Variants in C2orf42 observed in about 807,000 individuals in gnomAD.
The protein encoded by C2orf42 is uncharacterized protein C2orf42.
A neutral mutation model predicts 58.9 loss-of-function variants in C2orf42; 44 were observed. The observed-to-expected ratio is 0.75, with a 90% CI of 0.59 to 0.96. The LOEUF is 0.96. Among genes scored for constraint, C2orf42 ranks in the 40% least tolerant of loss-of-function variants. C2orf42 has a pLI of 0.00. For missense variants in C2orf42, 630 were observed against 699.2 expected (o/e 0.90, Z 1.12); for synonymous variants, 239 against 265.4 (o/e 0.90, Z 0.97).
At chr2:70,186,756 T>C (rs909072999) in intron 1 of C2orf42, among the ~76,000 whole-genome samples, 13 of 152,120 alleles carry the variant, frequency 8.5e-5, no homozygotes, top group African/African-American at 3.1e-4. Flanking sequence ...ATATACACCA[T>C]GGAATACTAT....
intron 1 of C2orf42, among the ~76,000 whole-genome samples, chr2:70,183,949 G>A (rs1674754330): frequency 1.3e-5 from 2 of 151,940 alleles, no homozygotes; most frequent in South Asian, 4.2e-4. Context: ...GAAACTATAG[G>A]TACATGCTGC....
At chr2:70,170,781 G>T (rs1249321055) in intron 5 of C2orf42, among the ~76,000 whole-genome samples, 1 of 150,322 alleles carries the variant, frequency 6.7e-6, no homozygotes, top group African/African-American at 2.4e-5. Context: ...TACGAAATGA[G>T]AAGCAACACT....
chr2:70,151,326 A>G (rs2104812737), intron 9 of C2orf42, among the ~76,000 whole-genome samples: 1 of 152,274 alleles, frequency 6.6e-6, no homozygotes, highest in African/African-American at 2.4e-5. Context: ...TCAAAAAAAC[A>G]AAGTAATACA....
At chr2:70,171,883 C>T (rs534224200) in intron 5 of C2orf42, among the ~76,000 whole-genome samples, 4 of 151,466 alleles carry the variant, frequency 2.6e-5, no homozygotes, top group South Asian at 2.1e-4. Flanking sequence ...AAAACAGTAA[C>T]GAGTGATGGA....
At chr2:70,164,541 G>C (rs1051940041) in intron 8 of C2orf42, among the ~76,000 whole-genome samples, 5 of 151,724 alleles carry the variant, frequency 3.3e-5, no homozygotes, top group African/African-American at 7.3e-5. Flanking sequence ...CTGAGGCAAG[G>C]GAATTGCTTG....
intron 8 of C2orf42, among the ~76,000 whole-genome samples, chr2:70,163,694 A>G (rs973140512): frequency 2.0e-5 from 3 of 151,348 alleles, no homozygotes; most frequent in Admixed American, 2.0e-4. Flanking sequence ...TACTAAAAAT[A>G]CAAAAATTAG....
chr2:70,166,916 T>A (rs1316991362), intron 6 of C2orf42, among the ~76,000 whole-genome samples: 1 of 152,148 alleles, frequency 6.6e-6, no homozygotes, highest in Non-Finnish European at 1.5e-5. Context: ...CTAAGCAAAC[T>A]AATGACATGC....
chr2:70,159,269 G>A (rs1339114347), intron 9 of C2orf42, among the ~76,000 whole-genome samples: 3 of 151,884 alleles, frequency 2.0e-5, no homozygotes, highest in Non-Finnish European at 4.4e-5. Context: ...AGAAATTATT[G>A]TAGACAAAAG....
chr2:70,153,249 T>C (rs1268183525), intron 9 of C2orf42, among the ~76,000 whole-genome samples: 1 of 152,006 alleles, frequency 6.6e-6, no homozygotes. Flanking sequence ...AAGAGAAACA[T>C]TAGATCTGAG....
intron 5 of C2orf42, among the ~76,000 whole-genome samples, chr2:70,170,792 A>C (rs1490836335): frequency 2.0e-5 from 3 of 151,294 alleles, no homozygotes; most frequent in Non-Finnish European, 4.4e-5. Context: ...AAGCAACACT[A>C]AACTGCATAT....
At chr2:70,154,118 AAAG>A (rs1381510404) in intron 9 of C2orf42, among the ~76,000 whole-genome samples, 1 of 152,064 alleles carries the variant, frequency 6.6e-6, no homozygotes, top group African/African-American at 2.4e-5. Context: ...AGCATCCACA[AAAG>A]AAAAAAAATA....
intron 2 of C2orf42, 42 bp from the exon 3 acceptor site, chr2:70,182,039 C>T: frequency 1.1e-6 from 1 of 882,126 alleles, no homozygotes; most frequent in Admixed American, 2.5e-5. Context: ...TATACCTTCA[C>T]ACACAAAAAG....
rs1183512309 is a variant in C2orf42, at chr2:70,189,518, C to T, written c.-282+1455G>A. 4.8e-5 allele frequency among the ~76,000 whole-genome samples: 7 copies of T among 145,444 alleles called. No individual in the cohort carries two copies. In the Admixed American group the frequency reaches 4.8e-4, roughly 10 times the overall value. On this transcript the variant is annotated intron_variant, in intron 1 of 9. Coordinates refer to ENST00000264434, the MANE Select transcript of C2orf42 (RefSeq NM_017880.3). Reference sequence around the variant, plus strand: ...AGATCACAAGGTCAGGAGATCGAGACCATCCTGGCTAACACAGTGAAACCC... The same window carrying T: ...AGATCACAAGGTCAGGAGATCGAGATCATCCTGGCTAACACAGTGAAACCC...
chr2:70,175,659 G>A lies in C2orf42; in HGVS notation c.1039+14C>T. 1 of 1,513,516 alleles carries A rather than the reference G, an allele frequency of 6.6e-7. No homozygotes were observed. The highest frequency in any genetic ancestry group is 9.2e-7 in the Non-Finnish European group (1 of 1,088,280). The allele number at this position is 1,513,516 out of a possible 1,614,324, so 93.8% of individuals were successfully genotyped here. ...TTCCACCACTGTAGCCTATTCTAGG[G>A]AAGGGAAACTTACCCTGCCTTTTTA... On this transcript the variant is annotated intron_variant, in intron 5 of 9. Coordinates refer to ENST00000264434, the MANE Select transcript of C2orf42 (RefSeq NM_017880.3).
At chr2:70,176,644 G>A (rs987768311) in intron 4 of C2orf42, among the ~76,000 whole-genome samples, 1 of 152,016 alleles carries the variant, frequency 6.6e-6, no homozygotes, top group Non-Finnish European at 1.5e-5. Context: ...TAGAGATGAG[G>A]TCTTGCTATA....
In C2orf42 at chr2:70,179,467, G is replaced by T. The variant is rs985104826; in HGVS notation, c.934+65C>A. ...TTATAATTGCTGAGGTTCAGTCAAA[G>T]ACATAAAACGCAGTAAAACAATCTC... On this transcript the variant is annotated intron_variant, in intron 4 of 9. Transcript: ENST00000264434. 8.7e-6 allele frequency: 5 copies of T among 574,382 alleles called. No homozygotes were observed. In the African/African-American group the frequency reaches 9.4e-5, roughly 11 times the overall value. The allele number at this position is 574,382 out of a possible 1,614,324, so 35.6% of individuals were successfully genotyped here.
intron 9 of C2orf42, among the ~76,000 whole-genome samples, chr2:70,155,470 A>T (rs1207170814): frequency 6.6e-6 from 1 of 152,096 alleles, no homozygotes; most frequent in Non-Finnish European, 1.5e-5. Flanking sequence ...CAGATCAAAG[A>T]TTTAAACATA....
At chr2:70,154,121 G>GA (rs769289632) in intron 9 of C2orf42, among the ~76,000 whole-genome samples, 12 of 149,216 alleles carry the variant, frequency 8.0e-5, no homozygotes, top group African/African-American at 1.7e-4. Context: ...ATCCACAAAA[G>GA]AAAAAAAATA....
chr2:70,173,441 ATT>A (rs1286905968), intron 5 of C2orf42, among the ~76,000 whole-genome samples: 1 of 151,234 alleles, frequency 6.6e-6, no homozygotes, highest in African/African-American at 2.4e-5. Context: ...ACTTGGCTAC[ATT>A]TTTTATACTT....
Sources: allele counts gnomAD v4.1 joint callset (sites outside exome capture counted in the v4.1 genomes callset), GRCh38; gene constraint gnomAD v4.1.1; transcripts MANE v1.5; gene names NCBI Gene and HGNC (gene_info 2026-07-23, HGNC 2026-07-21).